ABCC3: variants seen among roughly 807,000 people sequenced by gnomAD.
ABCC3 encodes ATP-binding cassette sub-family C member 3.
A neutral mutation model predicts 165.3 loss-of-function variants in ABCC3; 121 were observed. The ratio of observed to expected loss-of-function variants is 0.73; its 90% CI spans 0.63 to 0.85. ABCC3 has a LOEUF of 0.85. Among genes scored for constraint, ABCC3 ranks in the 40% least tolerant of loss-of-function variants. The pLI, the probability that ABCC3 is intolerant of heterozygous loss-of-function variation, is 0.00. For synonymous variants in ABCC3, 733 were observed against 810.1 expected (o/e 0.90, Z 1.62); for missense variants, 1,869 against 1,964.1 (o/e 0.95, Z 0.92).
chr17:50,669,392 A>G lies in ABCC3; in HGVS notation c.2105A>G (p.Asn702Ser), dbSNP rs1302593014. 6.2e-7 allele frequency: 1 copy of G among 1,614,234 alleles called. No homozygotes were observed. The highest frequency in any genetic ancestry group is 8.5e-7 in the Non-Finnish European group (1 of 1,180,034). The change falls in exon 17 of 31, where the codon AAC (asparagine) becomes AGC (serine). Residue 702 changes from asparagine to serine, a missense_variant. Asn to Ser is a conservative substitution (Grantham distance 46, BLOSUM62 1). Coordinates refer to ENST00000285238, the MANE Select transcript of ABCC3 (RefSeq NM_003786.4). ...GTGCCCCAGCAGGCATGGATCCAGA[A>G]CTGCACTCTTCAGGAAAACGTGCTT... ...AYVPQQAWIQ[N>S]CTLQENVLFG...
chr17:50,677,547 T>A (rs1268649447), intron 23 of ABCC3, among the ~76,000 whole-genome samples, 197 bp from the exon 24 acceptor site: 3 of 151,500 alleles, frequency 2.0e-5, no homozygotes, highest in Non-Finnish European at 4.4e-5. Context: ...GAAGCAGAGA[T>A]GATCAGAGGG....
intron 6 of ABCC3, chr17:50,659,032 G>A (rs1296260606): frequency 3.8e-6 from 2 of 530,608 alleles, no homozygotes; most frequent in Non-Finnish European, 3.3e-6. Flanking sequence ...GGAGAAGGGG[G>A]TAGTGGTAGG....
chr17:50,647,896 G>C (rs886902555), intron 1 of ABCC3, among the ~76,000 whole-genome samples: 1 of 152,064 alleles, frequency 6.6e-6, no homozygotes, highest in African/African-American at 2.4e-5. Flanking sequence ...AAAATTGGCC[G>C]GGCGTGGTGG....
Position 50,676,305 on chromosome 17 carries a change from C to T in ABCC3, c.3095C>T (p.Ala1032Val). ...TTCTTGGTGATGCTGGCAGCCATGG[C>T]CATGGCAGCGGGTGGCATCCAGGCT... ...QGFLVMLAAMAMAAGGIQAAR... is the reference protein window; with the variant it reads ...QGFLVMLAAMVMAAGGIQAAR... The change falls in exon 23 of 31, where the codon GCC becomes GTC. Residue 1032 changes from alanine (A) to valine (V), a missense_variant. Ala to Val is a moderately conservative substitution (Grantham distance 64). Coordinates refer to ENST00000285238, the MANE Select transcript of ABCC3 (RefSeq NM_003786.4). 6.2e-7 allele frequency: 1 copy of T among 1,613,480 alleles called. No homozygotes were observed. The highest frequency in any genetic ancestry group is 8.5e-7 in the Non-Finnish European group (1 of 1,179,626).
At chr17:50,681,340 C>T (rs1227311560) in intron 26 of ABCC3, among the ~76,000 whole-genome samples, 2 of 152,138 alleles carry the variant, frequency 1.3e-5, no homozygotes, top group African/African-American at 4.8e-5. Flanking sequence ...CCGCCTGTGT[C>T]TCCTTCACCG....
chr17:50,685,430 T>C (rs890400406), intron 29 of ABCC3, among the ~76,000 whole-genome samples: 1 of 152,194 alleles, frequency 6.6e-6, no homozygotes, highest in African/African-American at 2.4e-5. Context: ...CTCTTTGCAT[T>C]ATGCTGCCCA....
In ABCC3 at chr17:50,663,995, G is replaced by A; in HGVS notation, c.1222G>A (p.Glu408Lys). Residue 408 changes from glutamate (E) to lysine (K), a missense_variant, in exon 10 of 31, where the codon GAA becomes AAA. By Grantham distance (56) the Glu-to-Lys change is moderately conservative. Transcript: ENST00000285238. ...AGTCAAACGTGCGTCCACTGTGGGG[G>A]AAATTGTCAACCTCATGTCAGTGGA... ...NSVKRASTVGEIVNLMSVDAQ... is the reference protein window; with the variant it reads ...NSVKRASTVGKIVNLMSVDAQ... 1.2e-6 allele frequency: 2 copies of A among 1,614,120 alleles called. No individual in the cohort carries two copies. Among genetic ancestry groups the A allele is most frequent in the Non-Finnish European group, 1.7e-6 (2 of 1,179,988 alleles).
chr17:50,636,147 G>C (rs2054177543), intron 1 of ABCC3, among the ~76,000 whole-genome samples: 1 of 152,132 alleles, frequency 6.6e-6, no homozygotes, highest in African/African-American at 2.4e-5. Flanking sequence ...GGTGTCCAGG[G>C]CTTGTGAATC....
chr17:50,673,980 C>CTTTCTTTCCTTCCTTCCTTCCTTCCT (rs1967725765), intron 19 of ABCC3, among the ~76,000 whole-genome samples: 2 of 9,408 alleles, frequency 2.1e-4, no homozygotes, highest in African/African-American at 1.3e-3. Context: ...TTCTTTCTTT[C>CTTTCTTTCCTTCCTTCCTTCCTTCCT]TCTCTCTCTC....
intron 22 of ABCC3, 77 bp from the exon 23 acceptor site, chr17:50,676,201 A>C: frequency 1.3e-6 from 2 of 1,587,846 alleles, no homozygotes; most frequent in Non-Finnish European, 1.7e-6. Context: ...ACTCTGGTCA[A>C]CCCGTGTCTC....
intron 1 of ABCC3, among the ~76,000 whole-genome samples, chr17:50,655,426 A>AAAAG: frequency 6.8e-6 from 1 of 147,512 alleles, no homozygotes; most frequent in African/African-American, 2.5e-5. Flanking sequence ...AAAAAACAAA[A>AAAAG]ACAAAAAAAA....
intron 29 of ABCC3, chr17:50,687,292 G>C: frequency 2.1e-6 from 1 of 472,138 alleles, no homozygotes; most frequent in Non-Finnish European, 3.8e-6. Flanking sequence ...GAGGCCAAGG[G>C]TGCCAAGAGC....
Position 50,673,257 on chromosome 17 carries a change from A to G in ABCC3, c.2409+119A>G. On this transcript the variant is annotated intron_variant, in intron 18 of 30. Transcript: ENST00000285238. Reference sequence around the variant, plus strand: ...GGTGTGGGGGGCGCAAGAAGTGGGCATGTGGGTTGGGCATCAGGAGAAACC... The same window carrying G: ...GGTGTGGGGGGCGCAAGAAGTGGGCGTGTGGGTTGGGCATCAGGAGAAACC... The G allele has an allele frequency of 2.2e-6, 3 of 1,367,784 alleles. No individual in the cohort carries two copies. The South Asian group carries it at 4.0e-5, about 18-fold the overall frequency. 84.7% of individuals were successfully genotyped at this position (1,367,784 alleles called of 1,614,324 possible).
chr17:50,636,157 C>G (rs2054177568), intron 1 of ABCC3, among the ~76,000 whole-genome samples: 1 of 152,168 alleles, frequency 6.6e-6, no homozygotes, highest in African/African-American at 2.4e-5. Flanking sequence ...GCTTGTGAAT[C>G]CCAATCTCTA....
At chr17:50,643,797 T>G in intron 1 of ABCC3, 1 of 357,716 alleles carries the variant, frequency 2.8e-6, no homozygotes, top group Non-Finnish European at 5.7e-6. Flanking sequence ...TGAAGTGAGT[T>G]GGCTGTGGGG....
chr17:50,679,995 G>C (rs577954380), intron 26 of ABCC3, 96 bp downstream of exon 26: 3 of 833,152 alleles, frequency 3.6e-6, no homozygotes, highest in South Asian at 3.1e-5. Context: ...GGCCTGCCAC[G>C]TATGGGGCTC....
Position 50,663,668 on chromosome 17 carries a change from C to T in ABCC3, c.999-13C>T. ...GCAGCACTGCCCACCTCACTCCTCTCTCCTCCCCACAGCATCCTGATCAGG... is the reference window on the plus strand; with the variant it reads ...GCAGCACTGCCCACCTCACTCCTCTTTCCTCCCCACAGCATCCTGATCAGG... On this transcript the variant is annotated splice_polypyrimidine_tract_variant and intron_variant, in intron 8 of 30. Coordinates refer to ENST00000285238, the MANE Select transcript of ABCC3 (RefSeq NM_003786.4). 1.9e-6 allele frequency: 3 copies of T among 1,613,864 alleles called. No individual in the cohort carries two copies. Among genetic ancestry groups the T allele is most frequent in the Non-Finnish European group, 2.5e-6 (3 of 1,179,898 alleles).
At position 50,684,036 on chromosome 17, in the gene ABCC3, C is replaced by T. The variant is rs11568588; in HGVS notation, c.4042C>T (p.Arg1348Cys). 4,113 of 1,612,720 alleles carry T rather than the reference C, an allele frequency of 2.6e-3. 88 individuals carry two copies. The African/African-American group carries it at 0.045, about 18-fold the overall frequency. Reference protein sequence around the residue: ...RILEAAKGEIRIDGLNVADIG... With the variant: ...RILEAAKGEICIDGLNVADIG... ...CCTGGAGGCGGCAAAGGGTGAAATC[C>T]GCATTGATGGCCTCAATGTGGCAGA... Residue 1348 changes from arginine to cysteine, a missense_variant, in exon 28 of 31, where the codon CGC becomes TGC. Arg to Cys is a radical substitution (Grantham distance 180, BLOSUM62 -3). Coordinates refer to ENST00000285238, the MANE Select transcript of ABCC3 (RefSeq NM_003786.4).
chr17:50,661,639 T>A (rs1171428660), intron 8 of ABCC3, among the ~76,000 whole-genome samples: 1 of 152,184 alleles, frequency 6.6e-6, no homozygotes, highest in Non-Finnish European at 1.5e-5. Flanking sequence ...TCCTTGCCCC[T>A]CCGTGCATGC....
Sources: gnomAD v4.1 joint callset for allele counts (sites outside exome capture counted in the v4.1 genomes callset) on GRCh38, gnomAD v4.1.1 for gene constraint, MANE v1.5 for transcripts, NCBI Gene and HGNC (gene_info 2026-07-23, HGNC 2026-07-21) for gene names.